Variants in RSBN1L observed in about 807,000 individuals in gnomAD.
The protein encoded by RSBN1L is lysine-specific demethylase RSBN1L.
Under a neutral mutation model 67.7 loss-of-function variants are expected in RSBN1L, and 30 were observed. That is an observed-to-expected ratio of 0.44 (90% confidence interval 0.33 to 0.60). The LOEUF (loss-of-function observed/expected upper bound fraction) is 0.60. Among genes scored for constraint, RSBN1L ranks in the 20% least tolerant of loss-of-function variants. RSBN1L has a pLI of 0.02. For missense variants in RSBN1L, 992 were observed against 1,031.7 expected (o/e 0.96, Z 0.53); for synonymous variants, 433 against 387.0 (o/e 1.12, Z -1.39).
intron 2 of RSBN1L, among the ~76,000 whole-genome samples, chr7:77,745,195 A>G (rs918309557): frequency 2.6e-5 from 4 of 151,496 alleles, no homozygotes; most frequent in African/African-American, 4.9e-5. Context: ...CGGGAGGCGG[A>G]GGTTGCAGTG....
At chr7:77,722,145 A>G (rs989032074) in intron 1 of RSBN1L, among the ~76,000 whole-genome samples, 3 of 152,004 alleles carry the variant, frequency 2.0e-5, no homozygotes, top group African/African-American at 7.2e-5. Flanking sequence ...TTGGAAGGAG[A>G]ACTTGAACTT....
intron 1 of RSBN1L, among the ~76,000 whole-genome samples, chr7:77,709,176 G>A (rs1392809982): frequency 7.7e-5 from 10 of 129,400 alleles, no homozygotes; most frequent in African/African-American, 1.3e-4. Context: ...GTGTGTGTGT[G>A]TGTGTGTGTG....
rs758721258 is a variant in RSBN1L at position 77,773,142 on chromosome 7, A to T, written c.1626-5A>T. 6.5e-7 allele frequency: 1 copy of T among 1,542,834 alleles called. No individual in the cohort carries two copies. Among genetic ancestry groups the T allele is most frequent in the South Asian group, 1.2e-5 (1 of 80,280 alleles). Reference sequence around the variant, plus strand: ...TAAATGTAATTTTCTTTTTTTAAAAAACAGAACTACCAATGAAATAAAAAA... The same window carrying T: ...TAAATGTAATTTTCTTTTTTTAAAATACAGAACTACCAATGAAATAAAAAA... On this transcript the variant is annotated splice_polypyrimidine_tract_variant and splice_region_variant and intron_variant, in intron 5 of 7. Transcript: ENST00000334955.
intron 3 of RSBN1L, among the ~76,000 whole-genome samples, chr7:77,750,635 G>C (rs1187085605): frequency 6.6e-6 from 1 of 152,184 alleles, no homozygotes; most frequent in Non-Finnish European, 1.5e-5. Context: ...ACAGAATAGA[G>C]TCTGCTGGGT....
intron 1 of RSBN1L, among the ~76,000 whole-genome samples, chr7:77,726,177 G>T (rs935647210): frequency 1.3e-5 from 2 of 152,084 alleles, no homozygotes; most frequent in Non-Finnish European, 2.9e-5. Flanking sequence ...TTTCTAGCAC[G>T]TTTATCATAG....
In RSBN1L at chr7:77,780,570, A is replaced by G. The variant is rs573668503; in HGVS notation, c.*1402A>G. On this transcript the variant is annotated 3_prime_UTR_variant, in exon 8 of 8. Transcript: ENST00000334955. ...TTGTGAGCAATTAAAATCCTTTTACATTTTTCTTGCAGAATGGGAGAAAAA... is the reference window on the plus strand; with the variant it reads ...TTGTGAGCAATTAAAATCCTTTTACGTTTTTCTTGCAGAATGGGAGAAAAA... The G allele has an allele frequency of 6.6e-5, 10 of 152,284 alleles. No individual in the cohort carries two copies. Among genetic ancestry groups the G allele is most frequent in the Non-Finnish European group, 1.2e-4 (8 of 68,028 alleles). The allele number at this position is 152,284 out of a possible 1,614,324, so 9.4% of individuals were successfully genotyped here.
intron 3 of RSBN1L, among the ~76,000 whole-genome samples, chr7:77,758,695 A>G (rs920199868): frequency 2.6e-5 from 4 of 152,170 alleles, no homozygotes; most frequent in Admixed American, 6.5e-5. Context: ...ATTTGGGGCC[A>G]TTTGCAGTTG....
At chr7:77,740,693 G>A (rs1660335840) in intron 2 of RSBN1L, among the ~76,000 whole-genome samples, 1 of 152,156 alleles carries the variant, frequency 6.6e-6, no homozygotes, top group Non-Finnish European at 1.5e-5. Flanking sequence ...TTAACTCAAT[G>A]AATTTGTGAT....
At chr7:77,725,216 T>A (rs1218087619) in intron 1 of RSBN1L, among the ~76,000 whole-genome samples, 3 of 146,574 alleles carry the variant, frequency 2.0e-5, no homozygotes, top group African/African-American at 7.6e-5. Flanking sequence ...AAGTTCTTTT[T>A]CTTTCTTCCC....
intron 1 of RSBN1L, among the ~76,000 whole-genome samples, chr7:77,719,062 C>T (rs1341332585): frequency 6.6e-6 from 1 of 152,162 alleles, no homozygotes; most frequent in East Asian, 1.9e-4. Context: ...CTCCAAGAGT[C>T]TTGACACCCA....
chr7:77,778,723 C>A lies in RSBN1L; in HGVS notation c.2096C>A (p.Thr699Asn), dbSNP rs1256502336. 1 of 1,613,986 alleles carries A rather than the reference C, an allele frequency of 6.2e-7. No individual in the cohort carries two copies. The highest frequency in any genetic ancestry group is 8.5e-7 in the Non-Finnish European group (1 of 1,180,004). Reference protein sequence around the residue: ...RLKLYHSEEDTSQNTATHETG... With the variant: ...RLKLYHSEEDNSQNTATHETG... ...AAATTATATCACTCAGAGGAGGACACTTCTCAGAATACAGCTACTCATGAA... is the reference window on the plus strand; with the variant it reads ...AAATTATATCACTCAGAGGAGGACAATTCTCAGAATACAGCTACTCATGAA... The change falls in exon 8 of 8, where the codon ACT (threonine) becomes AAT (asparagine). Residue 699 changes from threonine to asparagine, a missense_variant. Thr to Asn is a moderately conservative substitution (Grantham distance 65). This residue lies in a region of RSBN1L where 55 missense variants were observed against 112.8 expected (regional missense o/e 0.49). Coordinates refer to ENST00000334955, the MANE Select transcript of RSBN1L (RefSeq NM_198467.3).
At chr7:77,770,437 T>C (rs1236663815) in intron 5 of RSBN1L, among the ~76,000 whole-genome samples, 1 of 152,004 alleles carries the variant, frequency 6.6e-6, no homozygotes, top group African/African-American at 2.4e-5. Flanking sequence ...CCTAGCACTT[T>C]GGGTGGCCGA....
Position 77,696,757 on chromosome 7 carries a change from C to G in RSBN1L, c.288C>G (p.Ser96=). ...WSFAPLSAAP[S]PSSSRSSFSF... Reference sequence around the variant, plus strand: ...TTGCCCCTCTGTCTGCTGCTCCCTCCCCGTCCTCTTCTCGGAGCAGTTTCT... The same window carrying G: ...TTGCCCCTCTGTCTGCTGCTCCCTCGCCGTCCTCTTCTCGGAGCAGTTTCT... The change falls in exon 1 of 8, where the codon TCC becomes TCG. Residue 96 remains serine (S), a synonymous_variant. Coordinates refer to ENST00000334955, the MANE Select transcript of RSBN1L (RefSeq NM_198467.3). 6.2e-7 allele frequency: 1 copy of G among 1,613,862 alleles called. No homozygotes were observed. The highest frequency in any genetic ancestry group is 1.7e-5 in the Admixed American group (1 of 60,020).
chr7:77,738,745 C>T (rs1189356060), intron 2 of RSBN1L, among the ~76,000 whole-genome samples: 2 of 151,954 alleles, frequency 1.3e-5, no homozygotes, highest in African/African-American at 4.8e-5. Flanking sequence ...GTCAAGAGTT[C>T]AAGACCAGCC....
chr7:77,762,046 G>A (rs1203395570), intron 3 of RSBN1L, among the ~76,000 whole-genome samples: 2 of 152,118 alleles, frequency 1.3e-5, no homozygotes, highest in African/African-American at 4.8e-5. Context: ...GGTTTTATTA[G>A]TGGGCAAATG....
In RSBN1L at chr7:77,696,959, C is replaced by T; in HGVS notation, c.490C>T (p.Arg164Trp). The T allele has an allele frequency of 1.9e-6, 3 of 1,581,634 alleles. No homozygotes were observed. The highest frequency in any genetic ancestry group is 2.6e-6 in the Non-Finnish European group (3 of 1,171,396). The change falls in exon 1 of 8, where the codon CGG becomes TGG. Residue 164 changes from arginine (R) to tryptophan (W), a missense_variant. Around this residue, in one of 7 missense-constraint regions of RSBN1L, gnomAD observed 575 missense variants for 483.2 expected, o/e 1.19. Transcript: ENST00000334955. ...CAAGTCGCGCAGACCTAAGGAGAAG[C>T]GGGAGAAGGAGAGGAGGAGGCACGG... ...NAKSRRPKEK[R>W]EKERRRHGLG...
At chr7:77,717,291 TAC>T (rs1157572329) in intron 1 of RSBN1L, among the ~76,000 whole-genome samples, 2 of 152,238 alleles carry the variant, frequency 1.3e-5, no homozygotes, top group African/African-American at 4.8e-5. Context: ...TGGTATTTAA[TAC>T]AGATTGTAAG....
chr7:77,697,068 C>CGGGGAG lies in RSBN1L; in HGVS notation c.586+23_586+28dup, dbSNP rs1178650551. ...CCGCTGCCCCGAGGTGGGTGCCGTGCGGGGAGGGGGAGGGGAGGGCGCCGT... is the reference window on the plus strand; with the variant it reads ...CCGCTGCCCCGAGGTGGGTGCCGTGCGGGGAGGGGGAGGGGGAGGGGAGGGCGCCGT... On this transcript the variant is annotated intron_variant, in intron 1 of 7. Transcript: ENST00000334955. 1 of 1,362,422 alleles carries CGGGGAG rather than the reference C, an allele frequency of 7.3e-7. No homozygotes were observed. The highest frequency in any genetic ancestry group is 9.5e-7 in the Non-Finnish European group (1 of 1,056,788). The allele number at this position is 1,362,422 out of a possible 1,614,324, so 84.4% of individuals were successfully genotyped here.
rs1791673478 is a variant in RSBN1L at position 77,759,751 on chromosome 7, A to T, written c.1345-5744A>T. The T allele has an allele frequency of 2.0e-5, 3 of 152,218 alleles. No homozygotes were observed. The South Asian group carries it at 6.2e-4, about 32-fold the overall frequency. 9.4% of individuals were successfully genotyped at this position (152,218 alleles called of 1,614,324 possible). A position where few individuals can be genotyped will look rare whatever the true frequency, so the allele number is the denominator to read the frequency against. On this transcript the variant is annotated intron_variant, in intron 3 of 7. Transcript: ENST00000334955. ...GATCACTATGAAGGTATTCTGAGGA[A>T]CTTTTAATATCTTGGAATGTTGATA... is the stretch of plus-strand genomic sequence containing the variant.
Sources: gnomAD v4.1 joint callset for allele counts (sites outside exome capture counted in the v4.1 genomes callset) on GRCh38, gnomAD v4.1.1 for gene constraint, gnomAD v4.1.1 regional missense constraint, MANE v1.5 for transcripts, NCBI Gene and HGNC (gene_info 2026-07-23, HGNC 2026-07-21) for gene names.